The following SGSM1 variants were observed in gnomAD, a reference collection of about 807,000 sequenced individuals.
SGSM1 encodes the protein small G protein signaling modulator 1.
Under a neutral mutation model 133.8 loss-of-function variants are expected in SGSM1, and 73 were observed. The ratio of observed to expected loss-of-function variants is 0.55; its 90% CI spans 0.45 to 0.66. SGSM1 has a LOEUF of 0.66. SGSM1 is among the 30% of genes least tolerant of loss of function. The pLI, the probability that SGSM1 is intolerant of heterozygous loss-of-function variation, is 0.00. For synonymous variants in SGSM1, 563 were observed against 573.0 expected, an observed-to-expected ratio of 0.98 and a Z score of 0.25; for missense variants, 1,213 against 1,448.1, an observed-to-expected ratio of 0.84 and a Z score of 2.64.
chr22:24,900,085 G>A (rs1250002770), intron 19 of SGSM1, among the ~76,000 whole-genome samples: 1 of 148,776 alleles, frequency 6.7e-6, no homozygotes, highest in East Asian at 2.0e-4. Context: ...GGGCAGTGGC[G>A]CAATCACTGC....
rs1933670417 is a variant in SGSM1, at chr22:24,912,637, T to TC, written c.2819-5dup. ...GGCATCTGACTGTTCTGTGATGCTT[T>TC]CTCAGAGGCCCTTGCCTTCAGCTGC... is the stretch of plus-strand genomic sequence containing the variant. On this transcript the variant is annotated splice_region_variant and splice_polypyrimidine_tract_variant and intron_variant, in intron 21 of 24. Coordinates refer to ENST00000400358, the MANE Select transcript of SGSM1 (RefSeq NM_001098497.3). The TC allele has an allele frequency of 6.2e-7, 1 of 1,604,964 alleles. No homozygotes were observed. Among genetic ancestry groups the TC allele is most frequent in the Non-Finnish European group, 8.5e-7 (1 of 1,173,796 alleles).
intron 2 of SGSM1, among the ~76,000 whole-genome samples, chr22:24,814,922 C>T (rs1359153474): frequency 6.6e-6 from 1 of 152,196 alleles, no homozygotes; most frequent in Non-Finnish European, 1.5e-5. Flanking sequence ...CTGAGGCTGG[C>T]TGCCCATCAG....
Position 24,867,097 on chromosome 22 carries a change from T to C in SGSM1, c.931T>C (p.Tyr311His). 1 of 1,613,688 alleles carries C rather than the reference T, an allele frequency of 6.2e-7. No homozygotes were observed. Among genetic ancestry groups the C allele is most frequent in the Non-Finnish European group, 8.5e-7 (1 of 1,179,822 alleles). ...TGACCCTCCGTCCGCTTCCAGCGTC[T>C]ACTGGGACTATGCCATGACCATCCG... ...VGDLDYEKSV[Y>H]WDYAMTIRLE... Residue 311 changes from tyrosine (Y) to histidine (H), a missense_variant, in exon 10 of 25, where the codon TAC (tyrosine) becomes CAC (histidine). Coordinates refer to ENST00000400358, the MANE Select transcript of SGSM1 (RefSeq NM_001098497.3).
Position 24,886,639 on chromosome 22 carries a change from G to C in SGSM1, c.1681G>C (p.Gly561Arg). The change falls in exon 16 of 25, where the codon GGG (glycine) becomes CGG (arginine). Residue 561 changes from glycine to arginine, a missense_variant. By Grantham distance (125) the Gly-to-Arg change is moderately radical (BLOSUM62 -2). Transcript: ENST00000400358. ...EQELLRLIYY[G>R]GIQPEIRKAV... The stretch of plus-strand genomic sequence containing the variant: ...GGAGCTGCTGCGCCTCATCTACTAC[G>C]GGGGCATCCAGCCTGAGATCCGCAA... 3 of 1,555,980 alleles carry C rather than the reference G, an allele frequency of 1.9e-6. No homozygotes were observed. Among genetic ancestry groups the C allele is most frequent in the Non-Finnish European group, 2.6e-6 (3 of 1,149,686 alleles).
chr22:24,845,813 GGATCCA>G (rs1488685162), intron 3 of SGSM1, among the ~76,000 whole-genome samples: 4 of 143,510 alleles, frequency 2.8e-5, no homozygotes, highest in Admixed American at 2.7e-4. Flanking sequence ...AGGCAGACCT[GGATCCA>G]CCTCTGCCGC....
chr22:24,920,361 G>T (rs1004315469), intron 24 of SGSM1, among the ~76,000 whole-genome samples: 4 of 152,180 alleles, frequency 2.6e-5, no homozygotes, highest in African/African-American at 9.7e-5. Context: ...CATAGGAAAA[G>T]CAGGCCCAGG....
At chr22:24,915,757 T>C (rs1271049664) in intron 22 of SGSM1, among the ~76,000 whole-genome samples, 2 of 152,212 alleles carry the variant, frequency 1.3e-5, no homozygotes, top group African/African-American at 4.8e-5. Context: ...TTATTGACCA[T>C]AGTTACCCTG....
intron 24 of SGSM1, among the ~76,000 whole-genome samples, chr22:24,923,817 T>C (rs1282944707): frequency 1.3e-5 from 2 of 152,090 alleles, no homozygotes; most frequent in African/African-American, 4.8e-5. Context: ...AGACAGGGTT[T>C]CTCCATGTTA....
intron 8 of SGSM1, 90 bp from the exon 9 acceptor site, chr22:24,859,626 G>T: frequency 6.4e-7 from 1 of 1,559,312 alleles, no homozygotes; most frequent in South Asian, 1.1e-5. Flanking sequence ...TCTTAGTTCT[G>T]ATTATGTGTT....
In SGSM1 at chr22:24,900,353, T is replaced by TCC. The variant is rs1400376013; in HGVS notation, c.2611-1480_2611-1479insCC. 6.0e-4 allele frequency among the ~76,000 whole-genome samples: 41 copies of TCC among 68,790 alleles called. 1 individual carries two copies. The highest frequency in any genetic ancestry group is 2.8e-3 in the African/African-American group (39 of 13,732). The allele number at this position is 68,790 out of a possible 152,430, so 45.1% of individuals were successfully genotyped here. A position where few individuals can be genotyped will look rare whatever the true frequency, so the allele number is the denominator to read the frequency against. Reference sequence around the variant, plus strand: ...TATTGTTAACCTCTTCTTTCTTTCTTTCTTTCTTTCTTTCTTTCTTTCTTT... The same window carrying TCC: ...TATTGTTAACCTCTTCTTTCTTTCTTCCTCTTTCTTTCTTTCTTTCTTTCTTT... On this transcript the variant is annotated intron_variant, in intron 19 of 24. Transcript: ENST00000400358.
chr22:24,907,651 G>T (rs545309740), intron 21 of SGSM1, among the ~76,000 whole-genome samples: 1 of 151,728 alleles, frequency 6.6e-6, no homozygotes, highest in African/African-American at 2.4e-5. Flanking sequence ...TTGGCCGGGC[G>T]CAGTGTCTCA....
At position 24,875,844 on chromosome 22, in the gene SGSM1, C is replaced by A. The variant is rs9624634; in HGVS notation, c.1292-733C>A. Among the ~76,000 whole-genome samples the A allele has an allele frequency of 1.7e-3, 257 of 152,188 alleles. 1 individual carries two copies. Among genetic ancestry groups the A allele is most frequent in the African/African-American group, 5.7e-3 (235 of 41,540 alleles). Reference sequence around the variant, plus strand: ...ATAAAGGAAGCTATGAGTGCTGTATCCTGAGAGTGGCTGGTCAGGAATCAC... The same window carrying A: ...ATAAAGGAAGCTATGAGTGCTGTATACTGAGAGTGGCTGGTCAGGAATCAC... On this transcript the variant is annotated intron_variant, in intron 12 of 24. Coordinates refer to ENST00000400358, the MANE Select transcript of SGSM1 (RefSeq NM_001098497.3).
intron 2 of SGSM1, among the ~76,000 whole-genome samples, chr22:24,830,539 A>C (rs1929057189): frequency 6.6e-6 from 1 of 152,222 alleles, no homozygotes; most frequent in Admixed American, 6.5e-5. Flanking sequence ...ACGTTAAGGC[A>C]AATTTAATAA....
At chr22:24,817,351 C>CTTTTT in intron 2 of SGSM1, among the ~76,000 whole-genome samples, 1 of 149,222 alleles carries the variant, frequency 6.7e-6, no homozygotes, top group Non-Finnish European at 1.5e-5. Context: ...AGATCCTCAG[C>CTTTTT]TTTTTTTTTC....
chr22:24,817,025 G>T (rs1928134179), intron 2 of SGSM1, among the ~76,000 whole-genome samples: 1 of 152,196 alleles, frequency 6.6e-6, no homozygotes, highest in African/African-American at 2.4e-5. Flanking sequence ...GAGGGGTGGA[G>T]TTAGCCCTGT....
At chr22:24,881,490 T>G (rs1365670370) in intron 14 of SGSM1, among the ~76,000 whole-genome samples, 2 of 150,186 alleles carry the variant, frequency 1.3e-5, no homozygotes, top group Non-Finnish European at 3.0e-5. Flanking sequence ...GGCATAAACC[T>G]GGGATGCGGA....
At chr22:24,825,932 C>T (rs1371866563) in intron 2 of SGSM1, among the ~76,000 whole-genome samples, 4 of 152,120 alleles carry the variant, frequency 2.6e-5, no homozygotes, top group South Asian at 4.1e-4. Context: ...AGAGGTGGGG[C>T]GCTCTGATTC....
intron 14 of SGSM1, among the ~76,000 whole-genome samples, chr22:24,880,481 A>G (rs1932262252): frequency 6.6e-6 from 1 of 152,132 alleles, no homozygotes; most frequent in African/African-American, 2.4e-5. Flanking sequence ...GACAGCCTAG[A>G]TGGGGAAGAT....
At chr22:24,875,019 C>T (rs1370304073) in intron 12 of SGSM1, among the ~76,000 whole-genome samples, 1 of 152,232 alleles carries the variant, frequency 6.6e-6, no homozygotes, top group African/African-American at 2.4e-5. Flanking sequence ...GCAGCTTCCT[C>T]TTCTGTCTGT....
Sources: gnomAD v4.1 joint callset for allele counts (sites outside exome capture counted in the v4.1 genomes callset) on GRCh38, gnomAD v4.1.1 for gene constraint, MANE v1.5 for transcripts, NCBI Gene and HGNC (gene_info 2026-07-23, HGNC 2026-07-21) for gene names.